The following UTP20 variants were observed in gnomAD, a reference collection of about 807,000 sequenced individuals.
UTP20 encodes the protein small subunit processome component 20 homolog.
A neutral mutation model predicts 329.5 loss-of-function variants in UTP20; 164 were observed. The ratio of observed to expected loss-of-function variants is 0.50; its 90% CI spans 0.44 to 0.57. The LOEUF is 0.57. Among genes scored for constraint, UTP20 ranks in the 20% least tolerant of loss-of-function variants. The probability of loss-of-function intolerance (pLI) is 0.00; values close to 1 mark genes in which losing one functional copy is unlikely to be tolerated. For missense variants in UTP20, 3,055 were observed against 3,284.2 expected (o/e 0.93, Z 1.71); for synonymous variants, 1,151 against 1,159.3 (o/e 0.99, Z 0.14).
intron 35 of UTP20, 100 bp downstream of exon 35, chr12:101,343,193 G>A: frequency 5.4e-6 from 4 of 745,300 alleles, no homozygotes; most frequent in Non-Finnish European, 7.9e-6. Context: ...TTTTGAGGGG[G>A]GACAAAGGTT....
Position 101,386,291 on chromosome 12 carries a change from C to A in UTP20, c.*168C>A. The A allele has an allele frequency of 3.6e-6, 2 of 557,614 alleles. No homozygotes were observed. The highest frequency in any genetic ancestry group is 6.0e-6 in the Non-Finnish European group (2 of 333,786). 34.5% of individuals were successfully genotyped at this position (557,614 alleles called of 1,614,324 possible). On this transcript the variant is annotated 3_prime_UTR_variant, in exon 62 of 62. Transcript: ENST00000261637. ...GTGACGACATCACAGCTCACTGCAG[C>A]CTCAACCTGGGTTCAAGTGATCCTC...
intron 60 of UTP20, among the ~76,000 whole-genome samples, chr12:101,383,895 CTA>C (rs1185697057): frequency 6.6e-6 from 1 of 151,202 alleles, no homozygotes; most frequent in African/African-American, 2.4e-5. Flanking sequence ...GAATAGTGGT[CTA>C]TGTTATGCCA....
At chr12:101,306,189 T>A (rs1872638155) in intron 16 of UTP20, 124 bp downstream of exon 16, 5 of 1,254,730 alleles carry the variant, frequency 4.0e-6, no homozygotes, top group Non-Finnish European at 3.2e-6. Context: ...TTTAAAGCGA[T>A]GATTCTTAAA....
At chr12:101,339,253 C>T (rs1869040450) in intron 31 of UTP20, among the ~76,000 whole-genome samples, 1 of 152,076 alleles carries the variant, frequency 6.6e-6, no homozygotes, top group African/African-American at 2.4e-5. Flanking sequence ...GCGGAGGTTG[C>T]AGTGAGCCGA....
chr12:101,344,518 T>A (rs1312889627), intron 35 of UTP20, 77 bp from the exon 36 acceptor site: 11 of 768,430 alleles, frequency 1.4e-5, no homozygotes, highest in Non-Finnish European at 2.3e-5. Flanking sequence ...ATTTTGTAGA[T>A]GCTTGCACTG....
In UTP20 at chr12:101,302,487, T is replaced by C. The variant is rs1872545960; in HGVS notation, c.1715T>C (p.Leu572Pro). The part of the protein sequence containing the change: ...FVLCQAVNTL[L>P]SLEESSELLH... ...CTTTGTCAAGCTGTAAATACTCTAC[T>C]AAGTTTGGAAGAATCTTCTGAACTT... The change falls in exon 15 of 62, where the codon CTA (leucine) becomes CCA (proline). Residue 572 changes from leucine to proline, a missense_variant. Physicochemically the swap from Leu to Pro is moderately conservative, Grantham distance 98. Coordinates refer to ENST00000261637, the MANE Select transcript of UTP20 (RefSeq NM_014503.3). 2.5e-6 allele frequency: 4 copies of C among 1,610,998 alleles called. No homozygotes were observed. Among genetic ancestry groups the C allele is most frequent in the Non-Finnish European group, 3.4e-6 (4 of 1,179,304 alleles).
chr12:101,338,942 T>C lies in UTP20; in HGVS notation c.3998T>C (p.Leu1333Pro), dbSNP rs758756100. 1.4e-5 allele frequency: 22 copies of C among 1,594,254 alleles called. No homozygotes were observed. The Admixed American group carries it at 2.4e-4, about 18-fold the overall frequency. Residue 1333 changes from leucine (L) to proline (P), a missense_variant, in exon 31 of 62, where the codon CTT becomes CCT. Physicochemically the swap from Leu to Pro is moderately conservative, Grantham distance 98. Transcript: ENST00000261637. ...KKNRAQVSKELGILSKISKFM... is the reference protein window; with the variant it reads ...KKNRAQVSKEPGILSKISKFM... ...AATAGAGCACAAGTCAGTAAAGAGC[T>C]TGGCATTCTTTCAAAGTAAGTGATA... is the stretch of plus-strand genomic sequence containing the variant.
chr12:101,339,348 T>C (rs895789812), intron 31 of UTP20, among the ~76,000 whole-genome samples: 5 of 151,888 alleles, frequency 3.3e-5, no homozygotes, highest in African/African-American at 1.2e-4. Flanking sequence ...TTAAAAAAAA[T>C]TATTATCTTG....
chr12:101,324,686 A>G lies in UTP20; in HGVS notation c.3042-2395A>G, dbSNP rs150529016. ...ATTCTGCACTGGTTTGTTTATAATA[A>G]CAATCACAAATCTCATTAGTCCTTT... On this transcript the variant is annotated intron_variant, in intron 25 of 61. Transcript: ENST00000261637. Among the ~76,000 whole-genome samples, 433 of 152,304 alleles carry G rather than the reference A, an allele frequency of 2.8e-3. 2 individuals are homozygous for G. Among genetic ancestry groups the G allele is most frequent in the Non-Finnish European group, 4.7e-3 (320 of 68,012 alleles).
At chr12:101,351,603 A>G (rs1869527366) in intron 38 of UTP20, among the ~76,000 whole-genome samples, 1 of 148,508 alleles carries the variant, frequency 6.7e-6, no homozygotes, top group African/African-American at 2.5e-5. Flanking sequence ...ATAGGTAAAC[A>G]TGTGCCGTGG....
intron 38 of UTP20, among the ~76,000 whole-genome samples, chr12:101,351,724 GA>G (rs1157152646): frequency 1.3e-5 from 2 of 151,866 alleles, no homozygotes; most frequent in Admixed American, 1.3e-4. Flanking sequence ...ATGTACTTTT[GA>G]GGGCTGAGTA....
In UTP20 at chr12:101,296,825, CT is replaced by C. The variant is rs556232750; in HGVS notation, c.1430+1170del. 1.3e-3 allele frequency among the ~76,000 whole-genome samples: 200 copies of C among 152,172 alleles called. 1 individual carries two copies. Among genetic ancestry groups the C allele is most frequent in the Middle Eastern group, 3.4e-3 (1 of 294 alleles). On this transcript the variant is annotated intron_variant, in intron 12 of 61. Transcript: ENST00000261637. The stretch of plus-strand genomic sequence containing the variant: ...TTCAGTTGTTAAGTGTCATGGATTA[CT>C]TTCTTAATTTCATTCAAAATGACAC...
chr12:101,372,131 A>C (rs1031500773), intron 51 of UTP20, among the ~76,000 whole-genome samples: 5 of 152,240 alleles, frequency 3.3e-5, no homozygotes, highest in African/African-American at 1.2e-4. Context: ...CTTTAAATGC[A>C]TGACCTCTGT....
chr12:101,352,751 T>C (rs1258404981), intron 39 of UTP20, among the ~76,000 whole-genome samples: 2 of 150,600 alleles, frequency 1.3e-5, no homozygotes, highest in Admixed American at 6.6e-5. Context: ...GCATGGCACA[T>C]GTATACATAT....
In UTP20 at chr12:101,354,920, T is replaced by G; in HGVS notation, c.5196T>G (p.Ser1732Arg). Residue 1732 changes from serine to arginine, a missense_variant, in exon 41 of 62, where the codon AGT becomes AGG. By Grantham distance (110) the Ser-to-Arg change is moderately radical. Transcript: ENST00000261637. ...DEEEKEYTCK[S>R]LSDNGQPGTP... ...AAGAGAAGGAATATACATGCAAGAG[T>G]TTGTCAGACAACGGACAACCGGGAA... 6.2e-7 allele frequency: 1 copy of G among 1,613,802 alleles called. No homozygotes were observed.
intron 24 of UTP20, among the ~76,000 whole-genome samples, chr12:101,321,243 G>A (rs1868366943): frequency 6.6e-6 from 1 of 152,120 alleles, no homozygotes; most frequent in African/African-American, 2.4e-5. Flanking sequence ...TCTAAGAACT[G>A]AGGAAAGCTT....
chr12:101,296,602 G>A (rs1872363086), intron 12 of UTP20, among the ~76,000 whole-genome samples: 1 of 145,712 alleles, frequency 6.9e-6, no homozygotes, highest in African/African-American at 2.6e-5. Flanking sequence ...CAAAAAATTA[G>A]GTGGGTGTGG....
At chr12:101,338,776 G>A (rs529244483) in intron 30 of UTP20, 37 bp from the exon 31 acceptor site, 2 of 1,542,312 alleles carry the variant, frequency 1.3e-6, no homozygotes, top group East Asian at 4.9e-5. Context: ...CCTTAAGAGA[G>A]TTTATTAAAA....
At chr12:101,373,813 G>A in intron 54 of UTP20, 46 bp downstream of exon 54, 1 of 1,575,964 alleles carries the variant, frequency 6.3e-7, no homozygotes, top group Non-Finnish European at 8.6e-7. Context: ...TCTTAGCTTT[G>A]GGGATCATAG....
Sources: gnomAD v4.1 joint callset for allele counts (sites outside exome capture counted in the v4.1 genomes callset) on GRCh38, gnomAD v4.1.1 for gene constraint, MANE v1.5 for transcripts, NCBI Gene and HGNC (gene_info 2026-07-23, HGNC 2026-07-21) for gene names.